The following EPS15L1 variants were observed in gnomAD, a reference collection of about 807,000 sequenced individuals.
The protein encoded by EPS15L1 is epidermal growth factor receptor substrate 15-like 1.
EPS15L1 carries 43 observed loss-of-function variants against 117.1 expected under a neutral mutation model. The observed-to-expected ratio is 0.37, with a 90% CI of 0.29 to 0.47. EPS15L1 has a LOEUF of 0.47. Among genes scored for constraint, EPS15L1 ranks in the 20% least tolerant of loss-of-function variants. The pLI, the probability that EPS15L1 is intolerant of heterozygous loss-of-function variation, is 0.99. For missense variants in EPS15L1, 981 were observed against 1,164.0 expected, an observed-to-expected ratio of 0.84 and a Z score of 2.29; for synonymous variants, 459 against 470.5, an observed-to-expected ratio of 0.98 and a Z score of 0.32.
In EPS15L1 at chr19:16,361,787, A is replaced by G. The variant is rs1461498474; in HGVS notation, c.2578T>C (p.Phe860Leu). The G allele has an allele frequency of 2.5e-6, 4 of 1,613,156 alleles. No homozygotes were observed. Among genetic ancestry groups the G allele is most frequent in the Non-Finnish European group, 3.4e-6 (4 of 1,179,676 alleles). The change falls in exon 23 of 24, where the codon TTC becomes CTC. Residue 860 changes from phenylalanine (F) to leucine (L), a missense_variant. Transcript: ENST00000455140. ...CGGAGGACTCAACTTACAGAGGTGA[A>G]GTCTGCAAAGCCCGAGGCAGAGGCC... ...SKASASGFAD[F>L]TSFGNEEQQL...
intron 22 of EPS15L1, among the ~76,000 whole-genome samples, chr19:16,375,368 GT>G (rs1305511462): frequency 6.6e-6 from 1 of 151,982 alleles, no homozygotes; most frequent in African/African-American, 2.4e-5. Context: ...GAGCATACAC[GT>G]GTACGTGCAC....
chr19:16,445,815 C>T (rs140562399), intron 1 of EPS15L1, among the ~76,000 whole-genome samples: 46 of 152,294 alleles, frequency 3.0e-4, no homozygotes, highest in African/African-American at 1.1e-3. Flanking sequence ...AGGCCTGCAC[C>T]GTAAGAGGCT....
chr19:16,469,776 G>A (rs1229632481), intron 1 of EPS15L1, among the ~76,000 whole-genome samples: 1 of 152,034 alleles, frequency 6.6e-6, no homozygotes, highest in Non-Finnish European at 1.5e-5. Flanking sequence ...TGCTTGCCAA[G>A]TGTGCTCTGT....
intron 23 of EPS15L1, among the ~76,000 whole-genome samples, chr19:16,359,894 A>AC (rs1055908392): frequency 1.3e-4 from 20 of 151,548 alleles, no homozygotes; most frequent in Admixed American, 4.6e-4. Flanking sequence ...TTAGGGAAAA[A>AC]AAAAAAAAAA....
At chr19:16,468,829 T>C (rs1167980883) in intron 1 of EPS15L1, among the ~76,000 whole-genome samples, 6 of 152,136 alleles carry the variant, frequency 3.9e-5, no homozygotes, top group African/African-American at 7.2e-5. Context: ...CTAGGCAGCA[T>C]AGCAAGACTT....
intron 1 of EPS15L1, among the ~76,000 whole-genome samples, chr19:16,468,042 C>T (rs985643698): frequency 1.1e-4 from 16 of 152,102 alleles, no homozygotes; most frequent in African/African-American, 3.6e-4. Flanking sequence ...CCAGGGCAGT[C>T]TCTCCTCATC....
At chr19:16,444,142 A>G (rs931359027) in intron 1 of EPS15L1, among the ~76,000 whole-genome samples, 1 of 150,652 alleles carries the variant, frequency 6.6e-6, no homozygotes, top group African/African-American at 2.4e-5. Flanking sequence ...AAAATAGCAT[A>G]AAGATCTGAA....
chr19:16,425,030 G>A lies in EPS15L1; in HGVS notation c.792+53C>T, dbSNP rs565207010. Reference sequence around the variant, plus strand: ...GGGGTTGCATGTTAAGAACTCCCGAGAAACATCCTACTGTGCTCTGAGAGG... The same window carrying A: ...GGGGTTGCATGTTAAGAACTCCCGAAAAACATCCTACTGTGCTCTGAGAGG... On this transcript the variant is annotated intron_variant, in intron 9 of 23. Transcript: ENST00000455140. 100 of 1,456,820 alleles carry A rather than the reference G, an allele frequency of 6.9e-5. No individual in the cohort carries two copies. The African/African-American group carries it at 1.1e-3, about 17-fold the overall frequency. The allele number at this position is 1,456,820 out of a possible 1,614,324, so 90.2% of individuals were successfully genotyped here.
intron 1 of EPS15L1, among the ~76,000 whole-genome samples, chr19:16,456,454 C>T (rs1278825512): frequency 6.6e-6 from 1 of 151,546 alleles, no homozygotes; most frequent in Non-Finnish European, 1.5e-5. Flanking sequence ...GTCAGGAGTT[C>T]GAGACCAGCC....
chr19:16,440,010 G>A (rs1215656036), intron 4 of EPS15L1, among the ~76,000 whole-genome samples: 1 of 143,594 alleles, frequency 7.0e-6, no homozygotes, highest in Non-Finnish European at 1.5e-5. Context: ...AGAGGCTGCA[G>A]TGAGCCAAGA....
At chr19:16,434,719 G>T (rs969767295) in intron 6 of EPS15L1, 1 of 430,376 alleles carries the variant, frequency 2.3e-6, no homozygotes, top group Non-Finnish European at 4.2e-6. Context: ...AAGGTCCTCA[G>T]GAGGGAGGCC....
At chr19:16,379,602 C>G (rs1283952047) in intron 21 of EPS15L1, among the ~76,000 whole-genome samples, 1 of 152,276 alleles carries the variant, frequency 6.6e-6, no homozygotes, top group Non-Finnish European at 1.5e-5. Flanking sequence ...ATGCAGCTGA[C>G]TAAGGCTCCA....
chr19:16,395,600 C>A (rs908298366), intron 16 of EPS15L1, 133 bp from the exon 17 acceptor site: 3 of 973,208 alleles, frequency 3.1e-6, no homozygotes, highest in Non-Finnish European at 4.6e-6. Context: ...GCCAGGAGTT[C>A]GAGGCTGGCC....
intron 21 of EPS15L1, 136 bp from the exon 22 acceptor site, chr19:16,377,390 T>C: frequency 1.1e-6 from 1 of 950,890 alleles, no homozygotes; most frequent in Non-Finnish European, 1.6e-6. Flanking sequence ...ATGGCCCTGC[T>C]TGGACGTGGG....
intron 1 of EPS15L1, among the ~76,000 whole-genome samples, chr19:16,459,205 G>C (rs1457284629): frequency 6.6e-6 from 1 of 152,198 alleles, no homozygotes; most frequent in Non-Finnish European, 1.5e-5. Flanking sequence ...CATTCCCTAT[G>C]CTTGGGGCCG....
At chr19:16,388,224 G>A (rs1474964064) in intron 19 of EPS15L1, among the ~76,000 whole-genome samples, 1 of 152,154 alleles carries the variant, frequency 6.6e-6, no homozygotes, top group African/African-American at 2.4e-5. Context: ...TGTATTAGTA[G>A]AGACGGGGTT....
At chr19:16,402,731 T>C (rs563454130) in intron 15 of EPS15L1, among the ~76,000 whole-genome samples, 2 of 150,864 alleles carry the variant, frequency 1.3e-5, no homozygotes, top group Non-Finnish European at 3.0e-5. Flanking sequence ...AAGACCCATC[T>C]CTGCAAAAAA....
intron 13 of EPS15L1, among the ~76,000 whole-genome samples, chr19:16,408,601 A>G (rs2092679227): frequency 6.6e-6 from 1 of 151,878 alleles, no homozygotes; most frequent in Admixed American, 6.6e-5. Flanking sequence ...TAGTGGTTGC[A>G]GTGAGCCGAG....
Position 16,355,516 on chromosome 19 carries a change from C to G in EPS15L1, c.*189G>C. On this transcript the variant is annotated 3_prime_UTR_variant, in exon 24 of 24. Transcript: ENST00000455140. ...CCTGCAGAAGTGGTGGCCAAGGCCT[C>G]TGTAAGGGCTTCCCCAGGAGATGTG... 2 of 705,178 alleles carry G rather than the reference C, an allele frequency of 2.8e-6. No homozygotes were observed. The highest frequency in any genetic ancestry group is 4.5e-6 in the Non-Finnish European group (2 of 442,876). 43.7% of individuals were successfully genotyped at this position (705,178 alleles called of 1,614,324 possible).
Sources: allele counts gnomAD v4.1 joint callset (sites outside exome capture counted in the v4.1 genomes callset), GRCh38; gene constraint gnomAD v4.1.1; transcripts MANE v1.5; gene names NCBI Gene and HGNC (gene_info 2026-07-23, HGNC 2026-07-21).